Variants in SAMD3 observed in about 807,000 individuals in gnomAD.
The protein encoded by SAMD3 is sterile alpha motif domain-containing protein 3.
Under a neutral mutation model 58.5 loss-of-function variants are expected in SAMD3, and 63 were observed. The observed-to-expected ratio is 1.08, with a 90% confidence interval of 0.88 to 1.33. The LOEUF is 1.33. SAMD3 is among the 40% of genes most tolerant of loss of function. The pLI is 0.00. For synonymous variants in SAMD3, 220 were observed against 210.3 expected, an observed-to-expected ratio of 1.05 and a Z score of -0.40; for missense variants, 604 against 608.4, an observed-to-expected ratio of 0.99 and a Z score of 0.08.
chr6:130,304,461 T>C (rs1214721975), intron 2 of SAMD3, among the ~76,000 whole-genome samples: 1 of 152,228 alleles, frequency 6.6e-6, no homozygotes, highest in Non-Finnish European at 1.5e-5. Context: ...AATTTGTTCA[T>C]AAATCAAGTT....
At chr6:130,277,148 T>C (rs539019211) in intron 2 of SAMD3, among the ~76,000 whole-genome samples, 9 of 152,236 alleles carry the variant, frequency 5.9e-5, no homozygotes, top group Non-Finnish European at 1.0e-4. Context: ...CAATGGCTTG[T>C]TCTCATTTAA....
intron 5 of SAMD3, among the ~76,000 whole-genome samples, chr6:130,185,196 A>G (rs1792820092): frequency 6.6e-6 from 1 of 152,250 alleles, no homozygotes; most frequent in South Asian, 2.1e-4. Flanking sequence ...AGGGCTACAG[A>G]AAACTATAAC....
At chr6:130,144,295 T>G (rs1396860050), downstream of SAMD3, 1 of 521,644 alleles carries the variant, frequency 1.9e-6, no homozygotes, top group Non-Finnish European at 3.3e-6. Flanking sequence ...TTCTAAAAAC[T>G]CAAAATAAAT....
rs147210588 is a variant in SAMD3 at position 130,296,467 on chromosome 6, G to A, written c.-188+16511C>T. Among the ~76,000 whole-genome samples the A allele has an allele frequency of 7.2e-3, 1,091 of 152,240 alleles. 5 individuals carry two copies. Among genetic ancestry groups the A allele is most frequent in the Non-Finnish European group, 9.7e-3 (662 of 68,000 alleles). On this transcript the variant is annotated intron_variant, in intron 2 of 13. Transcript: ENST00000368134. Reference sequence around the variant, plus strand: ...CACAGCACCAGTTACTGAAGTGGGCGGCACTGGCTCCCAGGAACAGATGTG... The same window carrying A: ...CACAGCACCAGTTACTGAAGTGGGCAGCACTGGCTCCCAGGAACAGATGTG...
At chr6:130,157,067 C>G (rs1252373688) in intron 8 of SAMD3, among the ~76,000 whole-genome samples, 1 of 127,140 alleles carries the variant, frequency 7.9e-6, no homozygotes, top group East Asian at 2.1e-4. Context: ...GAGACTCCGT[C>G]TCAAAAAATA....
At chr6:130,335,780 A>T (rs943757009) in intron 1 of SAMD3, among the ~76,000 whole-genome samples, 36 of 152,280 alleles carry the variant, frequency 2.4e-4, no homozygotes, top group Middle Eastern at 6.8e-3. Flanking sequence ...TCCCACAATG[A>T]TAGACTGGAT....
At chr6:130,230,093 T>C (rs1796500303) in intron 2 of SAMD3, among the ~76,000 whole-genome samples, 1 of 152,364 alleles carries the variant, frequency 6.6e-6, no homozygotes, top group African/African-American at 2.4e-5. Flanking sequence ...GGTCTGATGA[T>C]AAAATGGTTA....
intron 7 of SAMD3, among the ~76,000 whole-genome samples, chr6:130,179,745 C>T (rs1792095978): frequency 6.6e-6 from 1 of 150,916 alleles, no homozygotes; most frequent in Non-Finnish European, 1.5e-5. Context: ...TGATATTATG[C>T]ACTTATTGCT....
In SAMD3 at chr6:130,175,952, T is replaced by A. The variant is rs756449318; in HGVS notation, c.711A>T (p.Glu237Asp). Residue 237 changes from glutamate to aspartate, a missense_variant, in exon 8 of 12, where the codon GAA becomes GAT. Physicochemically the swap from Glu to Asp is conservative, Grantham distance 45. Coordinates refer to ENST00000439090, the MANE Select transcript of SAMD3 (RefSeq NM_001017373.4). Reference sequence around the variant, plus strand: ...TATTTCTAATCACTTGCTCATCATCTTCTATGGGTCTTCGAACATATTTAA... The same window carrying A: ...TATTTCTAATCACTTGCTCATCATCATCTATGGGTCTTCGAACATATTTAA... The part of the protein sequence containing the change: ...DRFKYVRRPI[E>D]DDEQVIRNKC... 1.1e-5 allele frequency: 18 copies of A among 1,613,656 alleles called. No homozygotes were observed. The Admixed American group carries it at 3.0e-4, about 27-fold the overall frequency.
intron 9 of SAMD3, among the ~76,000 whole-genome samples, chr6:130,153,676 A>T (rs1238845930): frequency 2.8e-5 from 4 of 144,508 alleles, no homozygotes; most frequent in Admixed American, 7.0e-5. Context: ...TTATTTATTT[A>T]TTTATTTTTT....
intron 9 of SAMD3, among the ~76,000 whole-genome samples, chr6:130,147,211 C>G (rs1788718415): frequency 6.6e-6 from 1 of 152,156 alleles, no homozygotes; most frequent in Non-Finnish European, 1.5e-5. Context: ...TTTCCTAAAA[C>G]TATAAAGAAC....
intron 2 of SAMD3, among the ~76,000 whole-genome samples, chr6:130,307,191 A>G (rs548221390): frequency 9.8e-5 from 15 of 152,372 alleles, no homozygotes; most frequent in African/African-American, 3.4e-4. Flanking sequence ...CCTAAATGTG[A>G]GAGATTATAC....
Position 130,337,303 on chromosome 6 carries a change from G to A in SAMD3, c.-303-24210C>T, listed in dbSNP as rs143668061. Among the ~76,000 whole-genome samples the A allele has an allele frequency of 1.6e-3, 238 of 152,178 alleles. 1 individual carries two copies. The highest frequency in any genetic ancestry group is 5.3e-3 in the African/African-American group (221 of 41,534). Reference sequence around the variant, plus strand: ...TCTCTCTTCTGCCACCAATTAAGACGTGCCTGCTTCCCCTTCCACCATGAT... The same window carrying A: ...TCTCTCTTCTGCCACCAATTAAGACATGCCTGCTTCCCCTTCCACCATGAT... On this transcript the variant is annotated intron_variant, in intron 1 of 13. Transcript: ENST00000368134.
At chr6:130,185,159 G>A (rs1002186554) in intron 5 of SAMD3, among the ~76,000 whole-genome samples, 7 of 152,142 alleles carry the variant, frequency 4.6e-5, no homozygotes, top group African/African-American at 9.6e-5. Flanking sequence ...CAGATATTCC[G>A]ATTCTATCCA....
rs545976882 is a variant in SAMD3 at position 130,365,291 on chromosome 6, G to T, written c.-475C>A. The T allele has an allele frequency of 2.8e-3, 2,764 of 985,330 alleles. 3 individuals are homozygous for T. The highest frequency in any genetic ancestry group is 3.0e-3 in the Non-Finnish European group (2,507 of 829,882). 61.0% of individuals were successfully genotyped at this position (985,330 alleles called of 1,614,324 possible). ...GAGTCGAACATCCGCACTGCTCATC[G>T]AAGACCCCCGTGCTTCAGTTCCCTC... On this transcript the variant is annotated 5_prime_UTR_variant, in exon 1 of 14. Transcript: ENST00000368134.
At chr6:130,185,574 A>ACCT (rs1792870272) in intron 5 of SAMD3, among the ~76,000 whole-genome samples, 2 of 147,774 alleles carry the variant, frequency 1.4e-5, no homozygotes, top group South Asian at 4.3e-4. Context: ...TGATCTGCCC[A>ACCT]CCTTGGCCTC....
chr6:130,345,569 G>T (rs12200185), intron 1 of SAMD3, among the ~76,000 whole-genome samples: 19,932 of 151,966 alleles, frequency 0.13, 1,686 homozygotes, highest in East Asian at 0.36. Context: ...ATGGGGATAA[G>T]GACTGTGTCC....
rs142332630 is a variant in SAMD3 at position 130,346,433 on chromosome 6, C to T, written c.-304+18687G>A. ...CACACCAGGAGATTATATCCTGTGC[C>T]TGGCTTGGAGGGTCCTATGCCCACG... On this transcript the variant is annotated intron_variant, in intron 1 of 13. Coordinates refer to the SAMD3 transcript ENST00000368134. Among the ~76,000 whole-genome samples the T allele has an allele frequency of 6.6e-4, 101 of 152,318 alleles. 1 individual carries two copies. Among genetic ancestry groups the T allele is most frequent in the Admixed American group, 6.5e-4 (10 of 15,312 alleles).
In SAMD3 at chr6:130,154,790, A is replaced by T. The variant is rs1449093926; in HGVS notation, c.1023+35T>A. The T allele has an allele frequency of 6.9e-6, 8 of 1,166,404 alleles. No individual in the cohort carries two copies. In the East Asian group the frequency reaches 1.8e-4, roughly 26 times the overall value. 72.3% of individuals were successfully genotyped at this position (1,166,404 alleles called of 1,614,324 possible). A position where few individuals can be genotyped will look rare whatever the true frequency, so the allele number is the denominator to read the frequency against. ...TATGTGTGTGTGTGTATATACATAT[A>T]TATGTGTGTGTATATATATATAGAA... is the stretch of plus-strand genomic sequence containing the variant. On this transcript the variant is annotated intron_variant, in intron 9 of 11. Coordinates refer to ENST00000439090, the MANE Select transcript of SAMD3 (RefSeq NM_001017373.4).
Sources: allele counts gnomAD v4.1 joint callset (sites outside exome capture counted in the v4.1 genomes callset), GRCh38; gene constraint gnomAD v4.1.1; transcripts MANE v1.5; gene names NCBI Gene and HGNC (gene_info 2026-07-23, HGNC 2026-07-21).